COL15A1: variants seen among roughly 807,000 people sequenced by gnomAD.
COL15A1 encodes collagen alpha-1(XV) chain.
In COL15A1, 111 loss-of-function variants were observed where a neutral mutation model predicts 165.9. The observed-to-expected ratio is 0.67, with a 90% CI of 0.57 to 0.78. The LOEUF (loss-of-function observed/expected upper bound fraction) is 0.78. COL15A1 is among the 30% of genes least tolerant of loss of function. The pLI is 0.00. For missense variants in COL15A1, 1,745 were observed against 1,789.7 expected, an observed-to-expected ratio of 0.98 and a Z score of 0.45; for synonymous variants, 659 against 674.8, an observed-to-expected ratio of 0.98 and a Z score of 0.36.
chr9:99,010,256 A>G (rs115346216), intron 9 of COL15A1, among the ~76,000 whole-genome samples: 4 of 152,254 alleles, frequency 2.6e-5, no homozygotes, highest in African/African-American at 9.6e-5. Flanking sequence ...TTAAAAGCAC[A>G]TACAGAAATG....
chr9:98,969,790 C>A (rs1456555251), intron 2 of COL15A1, among the ~76,000 whole-genome samples: 1 of 152,208 alleles, frequency 6.6e-6, no homozygotes. Context: ...CAATGCCTCG[C>A]ATCAGACAGA....
rs114655951 is a variant in COL15A1 at position 98,943,915 on chromosome 9, C to G, written c.-147C>G. Reference sequence around the variant, plus strand: ...GCGGGCCGGGAGCCGGGATTCTGCCCGCCGCCGCCGCTGCCGAGCGCCGCC... The same window carrying G: ...GCGGGCCGGGAGCCGGGATTCTGCCGGCCGCCGCCGCTGCCGAGCGCCGCC... On this transcript the variant is annotated 5_prime_UTR_variant, in exon 1 of 42. Transcript: ENST00000375001. 1.7e-5 allele frequency: 18 copies of G among 1,043,804 alleles called. No homozygotes were observed. The South Asian group carries it at 3.9e-4, about 23-fold the overall frequency. The allele number at this position is 1,043,804 out of a possible 1,614,324, so 64.7% of individuals were successfully genotyped here.
At chr9:98,944,102 C>G in intron 1 of COL15A1, 30 bp downstream of exon 1, 1 of 1,614,158 alleles carries the variant, frequency 6.2e-7, no homozygotes, top group Non-Finnish European at 8.5e-7. Context: ...TTCCTCGCGT[C>G]CCGGGCCCCT....
At chr9:98,989,445 C>T (rs769225587) in intron 5 of COL15A1, among the ~76,000 whole-genome samples, 187 bp downstream of exon 5, 5 of 152,160 alleles carry the variant, frequency 3.3e-5, no homozygotes, top group African/African-American at 9.7e-5. Flanking sequence ...CCTGGTGAAC[C>T]GCAACACCAG....
intron 2 of COL15A1, among the ~76,000 whole-genome samples, chr9:98,970,719 T>C (rs1441577997): frequency 6.6e-6 from 1 of 151,970 alleles, no homozygotes; most frequent in Non-Finnish European, 1.5e-5. Context: ...TGTGTGGATG[T>C]GGGTTAGTGT....
chr9:99,021,154 T>C (rs1014811236), intron 12 of COL15A1, among the ~76,000 whole-genome samples: 2 of 152,218 alleles, frequency 1.3e-5, no homozygotes, highest in African/African-American at 4.8e-5. Context: ...TCTGGGAGCC[T>C]TCTCATCTCC....
chr9:98,947,254 G>A (rs1837602175), intron 2 of COL15A1, among the ~76,000 whole-genome samples: 2 of 152,222 alleles, frequency 1.3e-5, no homozygotes, highest in Middle Eastern at 3.4e-3. Flanking sequence ...CAACAACATG[G>A]ATAAACCTTA....
At chr9:99,034,145 A>G (rs1046874640) in intron 16 of COL15A1, among the ~76,000 whole-genome samples, 1 of 152,218 alleles carries the variant, frequency 6.6e-6, no homozygotes, top group Non-Finnish European at 1.5e-5. Flanking sequence ...TCTAGGGGAT[A>G]CATTTCAGAT....
chr9:99,060,079 A>T, intron 36 of COL15A1, 126 bp downstream of exon 36: 1 of 950,646 alleles, frequency 1.1e-6, no homozygotes, highest in Non-Finnish European at 1.5e-6. Context: ...GGCTTGGTGC[A>T]ATTCCATAAA....
intron 17 of COL15A1, 94 bp from the exon 18 acceptor site, chr9:99,034,920 A>T: frequency 2.7e-6 from 3 of 1,122,278 alleles, no homozygotes; most frequent in Non-Finnish European, 4.1e-6. Flanking sequence ...AACCTAATTA[A>T]CTTCAAGGAG....
chr9:99,060,608 G>T (rs555848360), intron 36 of COL15A1, among the ~76,000 whole-genome samples: 10 of 152,046 alleles, frequency 6.6e-5, no homozygotes, highest in Non-Finnish European at 1.5e-5. Context: ...AAACCTGCTC[G>T]GGTGCGGTGG....
At chr9:99,021,220 T>C (rs1319991255) in intron 12 of COL15A1, among the ~76,000 whole-genome samples, 2 of 152,238 alleles carry the variant, frequency 1.3e-5, no homozygotes, top group Non-Finnish European at 1.5e-5. Context: ...ACAGAGGCCG[T>C]TCCTTGCAGC....
chr9:99,011,928 A>G (rs781260799), intron 9 of COL15A1, among the ~76,000 whole-genome samples: 2 of 152,186 alleles, frequency 1.3e-5, no homozygotes, highest in East Asian at 1.9e-4. Context: ...TGGTTATTTT[A>G]CTAAATCAAG....
At chr9:99,055,072 C>G (rs190390357) in intron 32 of COL15A1, 30 bp from the exon 33 acceptor site, 185 of 1,582,380 alleles carry the variant, frequency 1.2e-4, no homozygotes, top group Middle Eastern at 5.0e-4. Context: ...AAATTACAAT[C>G]GTGAATTTTA....
chr9:99,050,503 C>T (rs992756018), intron 30 of COL15A1, among the ~76,000 whole-genome samples: 10 of 152,210 alleles, frequency 6.6e-5, no homozygotes, highest in African/African-American at 9.6e-5. Context: ...GGCACTTGCC[C>T]GGCCCCCCAG....
At chr9:99,053,518 C>T (rs1381076184) in intron 31 of COL15A1, among the ~76,000 whole-genome samples, 1 of 152,204 alleles carries the variant, frequency 6.6e-6, no homozygotes, top group Non-Finnish European at 1.5e-5. Context: ...TGTGACAGCT[C>T]CTAGTGAGCA....
At chr9:99,024,465 T>C (rs994021922) in intron 14 of COL15A1, among the ~76,000 whole-genome samples, 2 of 151,958 alleles carry the variant, frequency 1.3e-5, no homozygotes, top group African/African-American at 4.8e-5. Flanking sequence ...TTTGTATTTT[T>C]AGTAGAGACA....
chr9:98,948,132 G>C (rs1053152460), intron 2 of COL15A1, among the ~76,000 whole-genome samples: 1 of 152,154 alleles, frequency 6.6e-6, no homozygotes, highest in African/African-American at 2.4e-5. Flanking sequence ...CCTCATGCTG[G>C]CTGGGTACAG....
intron 23 of COL15A1, among the ~76,000 whole-genome samples, chr9:99,041,562 G>A (rs1460620848): frequency 6.6e-6 from 1 of 152,176 alleles, no homozygotes; most frequent in Non-Finnish European, 1.5e-5. Context: ...GAGAGGCTGC[G>A]GGAAGGGAGT....
Sources: allele counts gnomAD v4.1 joint callset (sites outside exome capture counted in the v4.1 genomes callset), GRCh38; gene constraint gnomAD v4.1.1; transcripts MANE v1.5; gene names NCBI Gene and HGNC (gene_info 2026-07-23, HGNC 2026-07-21).